IRAK3: variants seen among roughly 807,000 people sequenced by gnomAD.
The protein encoded by IRAK3 is interleukin-1 receptor-associated kinase 3.
IRAK3 carries 57 observed loss-of-function variants against 56.6 expected under a neutral mutation model. The ratio of observed to expected loss-of-function variants is 1.01; its 90% CI spans 0.81 to 1.26. IRAK3 has a LOEUF of 1.26. IRAK3 is among the 50% of genes most tolerant of loss of function. The pLI, the probability that IRAK3 is intolerant of heterozygous loss-of-function variation, is 0.00. For synonymous variants in IRAK3, 258 were observed against 255.7 expected (o/e 1.01, Z -0.09); for missense variants, 703 against 719.0 (o/e 0.98, Z 0.25).
At chr12:66,201,143 G>A (rs575818927) in intron 1 of IRAK3, among the ~76,000 whole-genome samples, 3 of 152,264 alleles carry the variant, frequency 2.0e-5, no homozygotes, top group South Asian at 4.1e-4. Flanking sequence ...ACAGAAGAAA[G>A]TTTCACAAGA....
intron 2 of IRAK3, among the ~76,000 whole-genome samples, chr12:66,209,096 A>AT (rs988664491): frequency 1.3e-5 from 2 of 150,718 alleles, no homozygotes; most frequent in Admixed American, 6.6e-5. Flanking sequence ...AAGGCTGATA[A>AT]TTTTTTTTAA....
At chr12:66,243,908 A>G (rs2052998922) in intron 8 of IRAK3, among the ~76,000 whole-genome samples, 1 of 152,204 alleles carries the variant, frequency 6.6e-6, no homozygotes, top group Non-Finnish European at 1.5e-5. Context: ...AACTGCTTAT[A>G]TTGACTATAA....
chr12:66,250,358 A>C lies in IRAK3; in HGVS notation c.*2187A>C, dbSNP rs2053084862. ...CACATTAGATTCCATGTTGAAGAAC[A>C]ACTAATCAAAGAAGAAAATCATCAG... On this transcript the variant is annotated 3_prime_UTR_variant, in exon 12 of 12. Transcript: ENST00000261233. 6.6e-6 allele frequency: 1 copy of C among 152,242 alleles called. No homozygotes were observed. Among genetic ancestry groups the C allele is most frequent in the South Asian group, 2.1e-4 (1 of 4,828 alleles). The allele number at this position is 152,242 out of a possible 1,614,324, so 9.4% of individuals were successfully genotyped here.
At chr12:66,226,174 T>G (rs2052783383) in intron 6 of IRAK3, among the ~76,000 whole-genome samples, 1 of 152,194 alleles carries the variant, frequency 6.6e-6, no homozygotes, top group African/African-American at 2.4e-5. Flanking sequence ...GCCTTATATT[T>G]GGATGTTTTA....
In IRAK3 at chr12:66,234,423, A is replaced by T. The variant is rs959792735; in HGVS notation, c.887+6053A>T. 4.3e-6 allele frequency: 7 copies of T among 1,611,066 alleles called. No homozygotes were observed. In the African/African-American group the frequency reaches 9.4e-5, roughly 22 times the overall value. On this transcript the variant is annotated intron_variant, in intron 8 of 11. Coordinates refer to ENST00000261233, the MANE Select transcript of IRAK3 (RefSeq NM_007199.3). ...TAGGCAGATACAGGAGATACAATAT[A>T]GGGTGTAATAGAAGTTTGAGTGATC...
chr12:66,250,942 A>T lies in IRAK3; in HGVS notation c.*2771A>T, dbSNP rs2053093148. ...GTGAAGCCCGCTCTTCACATCCGTGAAAATCGCTGCCTTAAGGTGCTCTTA... is the reference window on the plus strand; with the variant it reads ...GTGAAGCCCGCTCTTCACATCCGTGTAAATCGCTGCCTTAAGGTGCTCTTA... On this transcript the variant is annotated 3_prime_UTR_variant, in exon 12 of 12. Transcript: ENST00000261233. The T allele has an allele frequency of 1.3e-5, 2 of 152,256 alleles. No individual in the cohort carries two copies. The allele number at this position is 152,256 out of a possible 1,614,324, so 9.4% of individuals were successfully genotyped here.
intron 11 of IRAK3, among the ~76,000 whole-genome samples, chr12:66,247,358 T>A (rs1378481419): frequency 6.6e-6 from 1 of 152,204 alleles, no homozygotes; most frequent in Admixed American, 6.5e-5. Flanking sequence ...CACCATTTCC[T>A]TATTCCCTTC....
intron 6 of IRAK3, among the ~76,000 whole-genome samples, chr12:66,219,582 A>C (rs950539890): frequency 2.0e-5 from 3 of 152,214 alleles, no homozygotes; most frequent in Non-Finnish European, 2.9e-5. Flanking sequence ...CATACCCAGA[A>C]GTGAGATTGT....
chr12:66,224,858 T>C (rs1370128), intron 6 of IRAK3, among the ~76,000 whole-genome samples: 83,580 of 151,942 alleles, frequency 0.55, 24,878 homozygotes, highest in South Asian at 0.66. Flanking sequence ...AACAAGGCAC[T>C]CAGAACATTT....
intron 2 of IRAK3, among the ~76,000 whole-genome samples, chr12:66,204,778 G>GCGCACGCACA (rs1026097833): frequency 7.4e-5 from 11 of 147,812 alleles, no homozygotes; most frequent in African/African-American, 2.7e-4. Context: ...GAGCCCTTGC[G>GCGCACGCACA]CACACACACA....
At chr12:66,235,498 G>A (rs2052897652) in intron 8 of IRAK3, among the ~76,000 whole-genome samples, 1 of 151,942 alleles carries the variant, frequency 6.6e-6, no homozygotes, top group Admixed American at 6.5e-5. Context: ...GGCGCGGCGC[G>A]GGGCGAGACT....
At chr12:66,232,810 A>G (rs1359001532) in intron 8 of IRAK3, among the ~76,000 whole-genome samples, 8 of 152,192 alleles carry the variant, frequency 5.3e-5, no homozygotes, top group African/African-American at 1.9e-4. Flanking sequence ...GGCTTTGATA[A>G]TTGGCTGAGA....
chr12:66,235,374 GC>G, intron 8 of IRAK3: 1 of 1,013,364 alleles, frequency 9.9e-7, no homozygotes, highest in Non-Finnish European at 1.2e-6. Flanking sequence ...CAAGGAGGGG[GC>G]CGGCCGGGCC....
At position 66,203,819 on chromosome 12, in the gene IRAK3, A is replaced by G. The variant is rs1459170784; in HGVS notation, c.242A>G (p.Lys81Arg). 6.2e-7 allele frequency: 1 copy of G among 1,614,072 alleles called. No homozygotes were observed. ...ELLWSWAQKN[K>R]TIGDLLQVLQ... Reference sequence around the variant, plus strand: ...CTTTGGTCCTGGGCACAGAAAAACAAGACCATCGGTGACCTTTTACAGGTC... The same window carrying G: ...CTTTGGTCCTGGGCACAGAAAAACAGGACCATCGGTGACCTTTTACAGGTC... Residue 81 changes from lysine (K) to arginine (R), a missense_variant, in exon 2 of 12, where the codon AAG (lysine) becomes AGG (arginine). Coordinates refer to ENST00000261233, the MANE Select transcript of IRAK3 (RefSeq NM_007199.3).
intron 8 of IRAK3, chr12:66,234,324 A>C: frequency 7.4e-6 from 12 of 1,612,716 alleles, no homozygotes; most frequent in Non-Finnish European, 9.3e-6. Context: ...TGCTCCATTG[A>C]GGGAGTTAAC....
intron 2 of IRAK3, among the ~76,000 whole-genome samples, chr12:66,207,344 C>T (rs1355389944): frequency 1.3e-5 from 2 of 152,094 alleles, no homozygotes; most frequent in African/African-American, 2.4e-5. Context: ...TGGCAGCATG[C>T]GCCTGTAGTT....
At chr12:66,198,794 C>T (rs1307788285) in intron 1 of IRAK3, among the ~76,000 whole-genome samples, 1 of 144,904 alleles carries the variant, frequency 6.9e-6, no homozygotes, top group African/African-American at 2.6e-5. Context: ...CTCACTCTGT[C>T]ACCCAGGCTG....
chr12:66,198,914 A>T (rs2052481550), intron 1 of IRAK3, among the ~76,000 whole-genome samples: 1 of 151,754 alleles, frequency 6.6e-6, no homozygotes, highest in Non-Finnish European at 1.5e-5. Flanking sequence ...GCACACCACC[A>T]AGCCTGGCTA....
chr12:66,204,612 A>G (rs1355374323), intron 2 of IRAK3, among the ~76,000 whole-genome samples: 2 of 152,240 alleles, frequency 1.3e-5, no homozygotes, highest in Non-Finnish European at 2.9e-5. Context: ...ATTCATTTCA[A>G]CAATAATGAT....
Sources: gnomAD v4.1 joint callset for allele counts (sites outside exome capture counted in the v4.1 genomes callset) on GRCh38, gnomAD v4.1.1 for gene constraint, MANE v1.5 for transcripts, NCBI Gene and HGNC (gene_info 2026-07-23, HGNC 2026-07-21) for gene names.